Variants in OR9Q1 observed in about 807,000 individuals in gnomAD.
The protein encoded by OR9Q1 is olfactory receptor 9Q1.
For missense variants in OR9Q1, 374 were observed against 378.8 expected (o/e 0.99, Z 0.11); for synonymous variants, 153 against 148.6 (o/e 1.03, Z -0.22).
At chr11:58,160,912 C>T (rs1789815079) in intron 2 of OR9Q1, among the ~76,000 whole-genome samples, 1 of 152,172 alleles carries the variant, frequency 6.6e-6, no homozygotes, top group Non-Finnish European at 1.5e-5. Flanking sequence ...AGAGATTTCA[C>T]TTAACTTAAT....
intron 1 of OR9Q1, among the ~76,000 whole-genome samples, chr11:58,037,518 A>T (rs11229221): frequency 0.26 from 39,406 of 150,988 alleles, 5,693 homozygotes; most frequent in East Asian, 0.61. Flanking sequence ...TGGGTTATGT[A>T]GTTTTCATTT....
chr11:58,085,655 T>C (rs1334213701), intron 2 of OR9Q1, among the ~76,000 whole-genome samples: 4 of 151,890 alleles, frequency 2.6e-5, no homozygotes, highest in African/African-American at 9.7e-5. Flanking sequence ...AGTAGTATTA[T>C]TTTTATTCTT....
chr11:58,156,453 A>C (rs1280218439), intron 2 of OR9Q1, among the ~76,000 whole-genome samples: 1 of 152,190 alleles, frequency 6.6e-6, no homozygotes, highest in Non-Finnish European at 1.5e-5. Context: ...TAGTAGTTCA[A>C]ATTAAAAGTC....
At chr11:58,111,119 C>A (rs1853895369) in intron 2 of OR9Q1, among the ~76,000 whole-genome samples, 1 of 152,122 alleles carries the variant, frequency 6.6e-6, no homozygotes, top group Non-Finnish European at 1.5e-5. Flanking sequence ...TAATAATTAA[C>A]AACTCCACTA....
chr11:58,142,529 C>A (rs544903638), intron 2 of OR9Q1, among the ~76,000 whole-genome samples: 47 of 152,252 alleles, frequency 3.1e-4, no homozygotes, highest in Non-Finnish European at 5.7e-4. Flanking sequence ...AAACTCCCCC[C>A]AGTTGCTGAA....
intron 2 of OR9Q1, among the ~76,000 whole-genome samples, chr11:58,056,499 G>A (rs1017883720): frequency 6.6e-6 from 1 of 152,126 alleles, no homozygotes. Flanking sequence ...AAAATTAAAA[G>A]AAGAGTAATA....
chr11:58,094,903 T>C lies in OR9Q1; in HGVS notation c.-15+38956T>C, dbSNP rs61904051. Among the ~76,000 whole-genome samples the C allele has an allele frequency of 6.5e-3, 985 of 152,320 alleles. 2 individuals are homozygous for C. Among genetic ancestry groups the C allele is most frequent in the Non-Finnish European group, 0.01 (706 of 68,010 alleles). On this transcript the variant is annotated intron_variant, in intron 2 of 2. Transcript: ENST00000335397. ...ATGCATCTTCAACAGATTTTTATCTTCTAGTTTTCAAATCCTCATGGACAT... is the reference window on the plus strand; with the variant it reads ...ATGCATCTTCAACAGATTTTTATCTCCTAGTTTTCAAATCCTCATGGACAT...
chr11:58,129,236 CGTGTGTGTGTGTGTGT>C lies in OR9Q1; in HGVS notation c.-14-50172_-14-50157del, dbSNP rs59902083. On this transcript the variant is annotated intron_variant, in intron 2 of 2. Coordinates refer to ENST00000335397, the MANE Select transcript of OR9Q1 (RefSeq NM_001005212.4). The stretch of plus-strand genomic sequence containing the variant: ...CCACAAAGGGCCAGGCAGAGCAATT[CGTGTGTGTGTGTGTGT>C]GTGTGTGTGTGTGTGTGTGTGTAAG... Among the ~76,000 whole-genome samples the C allele has an allele frequency of 4.1e-5, 6 of 144,756 alleles. 1 individual carries two copies. In the South Asian group the frequency reaches 6.9e-4, roughly 17 times the overall value. The allele number at this position is 144,756 out of a possible 152,430, so 95.0% of individuals were successfully genotyped here.
At chr11:58,070,378 C>T (rs1237981626) in intron 2 of OR9Q1, among the ~76,000 whole-genome samples, 1 of 152,042 alleles carries the variant, frequency 6.6e-6, no homozygotes, top group Non-Finnish European at 1.5e-5. Flanking sequence ...CTTTTCCCCC[C>T]TCTAATAGAA....
chr11:58,152,922 A>G (rs1468300810), intron 2 of OR9Q1, among the ~76,000 whole-genome samples: 1 of 152,204 alleles, frequency 6.6e-6, no homozygotes, highest in African/African-American at 2.4e-5. Context: ...GCTGGGCAAC[A>G]TGTCTCCCTC....
At chr11:58,061,657 G>A (rs1425253087) in intron 2 of OR9Q1, among the ~76,000 whole-genome samples, 1 of 152,208 alleles carries the variant, frequency 6.6e-6, no homozygotes, top group Non-Finnish European at 1.5e-5. Flanking sequence ...ATGAAATGAG[G>A]TGGGTCCTTT....
At chr11:58,142,817 T>G (rs1329258571) in intron 2 of OR9Q1, among the ~76,000 whole-genome samples, 1 of 151,960 alleles carries the variant, frequency 6.6e-6, no homozygotes, top group African/African-American at 2.4e-5. Context: ...TGTTAATGAG[T>G]TTTGCAGGCT....
At chr11:58,151,214 G>T (rs1854348226) in intron 2 of OR9Q1, among the ~76,000 whole-genome samples, 1 of 152,162 alleles carries the variant, frequency 6.6e-6, no homozygotes, top group Non-Finnish European at 1.5e-5. Flanking sequence ...AATGAGAGGA[G>T]ATGTCATATA....
chr11:58,066,247 A>G (rs1256537596), intron 2 of OR9Q1, among the ~76,000 whole-genome samples: 1 of 152,156 alleles, frequency 6.6e-6, no homozygotes, highest in East Asian at 1.9e-4. Context: ...AGCCCGGATG[A>G]ACATATCTCC....
chr11:58,083,665 T>A (rs1177916043), intron 2 of OR9Q1, among the ~76,000 whole-genome samples: 1 of 151,842 alleles, frequency 6.6e-6, no homozygotes, highest in Non-Finnish European at 1.5e-5. Context: ...CCAGTTTCAT[T>A]CTTCTGCATG....
At chr11:58,133,089 C>G (rs1590608062) in intron 2 of OR9Q1, among the ~76,000 whole-genome samples, 1 of 152,262 alleles carries the variant, frequency 6.6e-6, no homozygotes, top group East Asian at 1.9e-4. Flanking sequence ...TGGGGAAGGA[C>G]CTTTTGGTCC....
intron 2 of OR9Q1, among the ~76,000 whole-genome samples, chr11:58,158,078 G>A (rs1854424156): frequency 6.6e-6 from 1 of 152,168 alleles, no homozygotes; most frequent in Non-Finnish European, 1.5e-5. Context: ...GGCCTCATGG[G>A]AACTAGACTC....
chr11:58,065,308 C>T (rs75566643), intron 2 of OR9Q1, among the ~76,000 whole-genome samples: 3,130 of 149,808 alleles, frequency 0.021, 55 homozygotes, highest in Non-Finnish European at 0.028. Flanking sequence ...CAGGCCTAGG[C>T]AGACAGGCAG....
At chr11:58,047,945 T>C (rs1055967218) in intron 1 of OR9Q1, among the ~76,000 whole-genome samples, 1 of 152,154 alleles carries the variant, frequency 6.6e-6, no homozygotes, top group African/African-American at 2.4e-5. Context: ...TGTTTGTGCC[T>C]TGGAGGGAGG....
Sources: allele counts gnomAD v4.1 joint callset (sites outside exome capture counted in the v4.1 genomes callset), GRCh38; gene constraint gnomAD v4.1.1; transcripts MANE v1.5; gene names NCBI Gene and HGNC (gene_info 2026-07-23, HGNC 2026-07-21).